SLC67A2: variants seen among roughly 807,000 people sequenced by gnomAD.
The protein encoded by SLC67A2 is solute carrier family 67 member 2.
At chr2:102,721,657 C>CTGTGTG in the SLC67A2 span, among the ~76,000 whole-genome samples, 620 of 148,992 alleles carry the variant, frequency 4.2e-3, 6 homozygotes, top group South Asian at 0.016. Flanking sequence ...GCTCATAGTC[C>CTGTGTG]TGTGTGTGTG....
At chr2:102,732,133 C>A in the SLC67A2 span, 11 of 695,430 alleles carry the variant, frequency 1.6e-5, no homozygotes, top group Non-Finnish European at 2.7e-5. Flanking sequence ...TTTGAACATA[C>A]GTCGTCTAGA....
chr2:102,726,815 T>TTAAA, the SLC67A2 span: 1 of 1,444,622 alleles, frequency 6.9e-7, no homozygotes, highest in Non-Finnish European at 9.1e-7. Context: ...AAGCTACGTT[T>TTAAA]GAAAAAAAAA....
chr2:102,730,893 A>G, the SLC67A2 span: 1 of 805,252 alleles, frequency 1.2e-6, no homozygotes, highest in South Asian at 1.8e-5. Context: ...TGTCTGTAAA[A>G]AGCAGGGAAT....
the SLC67A2 span, among the ~76,000 whole-genome samples, chr2:102,735,999 T>A: frequency 6.6e-6 from 1 of 152,062 alleles, no homozygotes; most frequent in Non-Finnish European, 1.5e-5. Flanking sequence ...CCCAATTCTG[T>A]ACAAGTGGGG....
the SLC67A2 span, chr2:102,731,130 T>G: frequency 7.2e-7 from 1 of 1,397,736 alleles, no homozygotes; most frequent in Non-Finnish European, 1.0e-6. Context: ...TGGATTAATG[T>G]GATAACAATT....
the SLC67A2 span, among the ~76,000 whole-genome samples, chr2:102,729,666 T>C: frequency 2.6e-5 from 4 of 152,146 alleles, no homozygotes; most frequent in Non-Finnish European, 4.4e-5. Context: ...AAAAAAATAA[T>C]ATGGGCTTAG....
At chr2:102,715,219 A>G in the SLC67A2 span, among the ~76,000 whole-genome samples, 1 of 152,276 alleles carries the variant, frequency 6.6e-6, no homozygotes, top group South Asian at 2.1e-4. Flanking sequence ...GTGTCTTCAC[A>G]GCACTTTACC....
At chr2:102,715,970 A>C in the SLC67A2 span, 1 of 152,214 alleles carries the variant, frequency 6.6e-6, no homozygotes, top group Non-Finnish European at 1.5e-5. Flanking sequence ...AATGGTCCCC[A>C]ACATGTCTGA....
At chr2:102,732,491 T>C in the SLC67A2 span, 1 of 1,128,950 alleles carries the variant, frequency 8.9e-7, no homozygotes, top group Non-Finnish European at 1.3e-6. Context: ...ATTTAAAAAA[T>C]AAAACCAATA....
chr2:102,724,510 AAAGT>A, the SLC67A2 span, among the ~76,000 whole-genome samples: 1 of 152,332 alleles, frequency 6.6e-6, no homozygotes, highest in Non-Finnish European at 1.5e-5. Flanking sequence ...ATAAGAAATT[AAAGT>A]AACTGACAAC....
chr2:102,731,067 G>A, the SLC67A2 span: 2 of 1,613,462 alleles, frequency 1.2e-6, no homozygotes, highest in Middle Eastern at 1.7e-4. Flanking sequence ...CATAGGAGGA[G>A]CCTGTAAAAA....
chr2:102,736,835 G>A, the SLC67A2 span: 236 of 1,582,294 alleles, frequency 1.5e-4, 3 homozygotes, highest in East Asian at 5.3e-3. Flanking sequence ...GGGGTCGGAC[G>A]CAGCAGCAGC....
At chr2:102,715,354 G>A in the SLC67A2 span, among the ~76,000 whole-genome samples, 1 of 152,130 alleles carries the variant, frequency 6.6e-6, no homozygotes, top group Non-Finnish European at 1.5e-5. Flanking sequence ...AACATCTGTG[G>A]TGCTTCAGAG....
the SLC67A2 span, chr2:102,731,053 A>T: frequency 6.2e-7 from 1 of 1,613,992 alleles, no homozygotes. Flanking sequence ...GAGTTGCAAA[A>T]TGCCATAGGA....
the SLC67A2 span, chr2:102,723,972 TC>T: frequency 2.9e-6 from 4 of 1,394,708 alleles, no homozygotes; most frequent in Non-Finnish European, 4.1e-6. Context: ...TTACTTATGA[TC>T]CTGTGCTTAA....
At chr2:102,736,577 A>C in the SLC67A2 span, 7 of 1,612,594 alleles carry the variant, frequency 4.3e-6, no homozygotes, top group Admixed American at 8.3e-5. Flanking sequence ...CGGAAGCTCC[A>C]AGAACCGCCT....
chr2:102,727,827 C>T, the SLC67A2 span, among the ~76,000 whole-genome samples: 1 of 152,170 alleles, frequency 6.6e-6, no homozygotes, highest in Non-Finnish European at 1.5e-5. Flanking sequence ...TCAACCAGCA[C>T]TGCTACTGTC....
the SLC67A2 span, chr2:102,723,675 A>T: frequency 1.2e-6 from 2 of 1,608,524 alleles, no homozygotes; most frequent in Admixed American, 3.3e-5. Flanking sequence ...TACACAAAAC[A>T]ATCTTCTCAT....
the SLC67A2 span, chr2:102,731,079 C>T: frequency 6.2e-7 from 1 of 1,612,288 alleles, no homozygotes; most frequent in Admixed American, 1.7e-5. Context: ...CTGTAAAAAA[C>T]AAATCAATAA....
Sources: allele counts gnomAD v4.1 joint callset (sites outside exome capture counted in the v4.1 genomes callset), GRCh38; gene constraint gnomAD v4.1.1; transcripts MANE v1.5; gene names NCBI Gene and HGNC (gene_info 2026-07-23, HGNC 2026-07-21).